TXNRD1: variants seen among roughly 807,000 people sequenced by gnomAD.
TXNRD1 encodes thioredoxin reductase 1.
TXNRD1 carries 57 observed loss-of-function variants against 80.3 expected under a neutral mutation model. The observed-to-expected ratio is 0.71, with a 90% CI of 0.57 to 0.89. The LOEUF (loss-of-function observed/expected upper bound fraction) is 0.89, where lower values mean the gene tolerates loss of function less well. Among genes scored for constraint, TXNRD1 ranks in the 40% least tolerant of loss-of-function variants. The pLI is 0.00. For missense variants in TXNRD1, 730 were observed against 803.0 expected (o/e 0.91, Z 1.10); for synonymous variants, 291 against 285.2 (o/e 1.02, Z -0.20).
chr12:104,336,135 A>T (rs902627687), intron 15 of TXNRD1, among the ~76,000 whole-genome samples: 1 of 152,230 alleles, frequency 6.6e-6, no homozygotes, highest in Non-Finnish European at 1.5e-5. Context: ...CCCCTGTCTC[A>T]CTGAGAGAGA....
intron 1 of TXNRD1, among the ~76,000 whole-genome samples, chr12:104,245,016 G>C (rs1215909604): frequency 1.3e-5 from 2 of 152,204 alleles, no homozygotes; most frequent in East Asian, 3.9e-4. Flanking sequence ...GGGTTTTACA[G>C]GAAGTTAACA....
chr12:104,290,032 G>A (rs2034123670), intron 4 of TXNRD1, among the ~76,000 whole-genome samples: 2 of 152,178 alleles, frequency 1.3e-5, no homozygotes, highest in Admixed American at 6.5e-5. Context: ...AAAACTTCCC[G>A]TAGTCCCATC....
chr12:104,277,214 AC>A (rs1317802326), intron 3 of TXNRD1, among the ~76,000 whole-genome samples: 3 of 139,036 alleles, frequency 2.2e-5, no homozygotes, highest in African/African-American at 8.2e-5. Context: ...ATGCGGTGAA[AC>A]CCCGTCTCTA....
At chr12:104,294,236 C>CCCCCCCCCT (rs2034347631) in intron 4 of TXNRD1, among the ~76,000 whole-genome samples, 1 of 67,856 alleles carries the variant, frequency 1.5e-5, no homozygotes, top group East Asian at 7.0e-4. Flanking sequence ...GGGAAAGGCC[C>CCCCCCCCCT]CCCCCCCCGC....
intron 3 of TXNRD1, chr12:104,265,190 T>G (rs2033448461): frequency 1.1e-6 from 1 of 899,060 alleles, no homozygotes. Flanking sequence ...AGGTGGAGGT[T>G]GCAGTGAGCT....
chr12:104,347,048 T>A (rs931434650), intron 16 of TXNRD1, among the ~76,000 whole-genome samples: 1 of 152,160 alleles, frequency 6.6e-6, no homozygotes, highest in African/African-American at 2.4e-5. Flanking sequence ...TGAGCCAAGA[T>A]TGTGCCGCTG....
chr12:104,245,399 C>A (rs996154897), intron 1 of TXNRD1, among the ~76,000 whole-genome samples: 1 of 150,348 alleles, frequency 6.7e-6, no homozygotes, highest in Non-Finnish European at 1.5e-5. Flanking sequence ...TGTCGGTAAT[C>A]CCAGCTACTC....
chr12:104,306,876 A>G (rs1282579193), intron 4 of TXNRD1, among the ~76,000 whole-genome samples: 3 of 152,196 alleles, frequency 2.0e-5, no homozygotes, highest in Non-Finnish European at 4.4e-5. Context: ...AGTACTCTTA[A>G]TGACAGCAAA....
rs1011543513 is a variant in TXNRD1, at chr12:104,309,998, C to T, written c.415-1292C>T. 11 of 1,536,260 alleles carry T rather than the reference C, an allele frequency of 7.2e-6. No individual in the cohort carries two copies. The East Asian group carries it at 1.2e-4, about 17-fold the overall frequency. On this transcript the variant is annotated intron_variant, in intron 4 of 16. Transcript: ENST00000525566. ...TCCTTCACATTGCTCCACCGCACCCCCTTCCACATCCCAAGAACCTTCTTC... is the reference window on the plus strand; with the variant it reads ...TCCTTCACATTGCTCCACCGCACCCTCTTCCACATCCCAAGAACCTTCTTC...
intron 4 of TXNRD1, chr12:104,304,000 C>G (rs1565888842): frequency 5.6e-6 from 9 of 1,610,316 alleles, no homozygotes; most frequent in Non-Finnish European, 5.1e-6. Flanking sequence ...GGGAGGCCGA[C>G]GTAGACCCAA....
At chr12:104,232,365 A>G (rs1479004845) in intron 1 of TXNRD1, among the ~76,000 whole-genome samples, 3 of 152,162 alleles carry the variant, frequency 2.0e-5, no homozygotes, top group Non-Finnish European at 2.9e-5. Flanking sequence ...GATCAAGACT[A>G]TCCTGGCCAA....
At chr12:104,265,079 C>CT (rs2033445760) in intron 3 of TXNRD1, among the ~76,000 whole-genome samples, 1 of 151,916 alleles carries the variant, frequency 6.6e-6, no homozygotes, top group Non-Finnish European at 1.5e-5. Flanking sequence ...TGGTGAAACC[C>CT]CGTCTCTACT....
Position 104,315,760 on chromosome 12 carries a change from T to G in TXNRD1, c.611-17T>G. On this transcript the variant is annotated splice_polypyrimidine_tract_variant and intron_variant, in intron 6 of 16. Transcript: ENST00000525566. Reference sequence around the variant, plus strand: ...TTGGAAAGCAGGTTATAAACTGATTTCTCAATGTTGTTGTAGGTCTCGGAG... The same window carrying G: ...TTGGAAAGCAGGTTATAAACTGATTGCTCAATGTTGTTGTAGGTCTCGGAG... 1.9e-6 allele frequency: 3 copies of G among 1,607,620 alleles called. No homozygotes were observed. The highest frequency in any genetic ancestry group is 2.6e-6 in the Non-Finnish European group (3 of 1,176,212).
intron 1 of TXNRD1, among the ~76,000 whole-genome samples, chr12:104,230,429 T>C (rs1389317510): frequency 6.6e-6 from 1 of 152,208 alleles, no homozygotes; most frequent in African/African-American, 2.4e-5. Context: ...TATTTTACAT[T>C]TCTGCCAGCA....
intron 2 of TXNRD1, among the ~76,000 whole-genome samples, chr12:104,256,270 C>T (rs975253710): frequency 5.3e-5 from 8 of 152,186 alleles, no homozygotes; most frequent in African/African-American, 1.9e-4. Flanking sequence ...AGGAAACTAA[C>T]GTCTACGTAA....
chr12:104,235,393 G>A (rs945697027), intron 1 of TXNRD1, among the ~76,000 whole-genome samples: 16 of 152,158 alleles, frequency 1.1e-4, no homozygotes, highest in Admixed American at 5.2e-4. Context: ...GTTGTTTACC[G>A]TACCTAGGGG....
At chr12:104,275,298 G>T (rs2033734166) in intron 3 of TXNRD1, among the ~76,000 whole-genome samples, 1 of 151,792 alleles carries the variant, frequency 6.6e-6, no homozygotes, top group Admixed American at 6.6e-5. Flanking sequence ...AGAAAATTAT[G>T]TTTTTCTTCT....
At chr12:104,301,536 A>G (rs1396802874) in intron 4 of TXNRD1, among the ~76,000 whole-genome samples, 2 of 152,010 alleles carry the variant, frequency 1.3e-5, no homozygotes, top group African/African-American at 4.8e-5. Flanking sequence ...ACGGGGTTTC[A>G]CCGTGTTAGC....
Position 104,252,662 on chromosome 12 carries a change from T to TATATATA in TXNRD1, c.243+984_243+985insATATATA, listed in dbSNP as rs756948232. ...CACTGAGAGGTTAATTTATTATTTT[T>TATATATA]TATATATATATATATATATATATAT... On this transcript the variant is annotated intron_variant, in intron 2 of 16. Coordinates refer to ENST00000525566, the MANE Select transcript of TXNRD1 (RefSeq NM_001093771.3). Among the ~76,000 whole-genome samples the TATATATA allele has an allele frequency of 5.1e-3, 232 of 45,662 alleles. 9 individuals carry two copies. The highest frequency in any genetic ancestry group is 0.022 in the East Asian group (18 of 828). The allele number at this position is 45,662 out of a possible 152,430, so 30.0% of individuals were successfully genotyped here. A position where few individuals can be genotyped will look rare whatever the true frequency, so the allele number is the denominator to read the frequency against.
Sources: gnomAD v4.1 joint callset for allele counts (sites outside exome capture counted in the v4.1 genomes callset) on GRCh38, gnomAD v4.1.1 for gene constraint, MANE v1.5 for transcripts, NCBI Gene and HGNC (gene_info 2026-07-23, HGNC 2026-07-21) for gene names.